The following THSD7B variants were observed in gnomAD, a reference collection of about 807,000 sequenced individuals.
THSD7B encodes thrombospondin type 1 domain containing 7B, also known as thrombospondin type-1 domain-containing protein 7B.
THSD7B carries 138 observed loss-of-function variants against 213.6 expected under a neutral mutation model. The ratio of observed to expected loss-of-function variants is 0.65; its 90% CI spans 0.56 to 0.74. The LOEUF (loss-of-function observed/expected upper bound fraction) is 0.74. THSD7B is among the 30% of genes least tolerant of loss of function. The pLI is 0.00. For missense variants in THSD7B, 1,931 were observed against 1,991.5 expected, an observed-to-expected ratio of 0.97 and a Z score of 0.58; for synonymous variants, 742 against 687.0, an observed-to-expected ratio of 1.08 and a Z score of -1.25.
intron 10 of THSD7B, among the ~76,000 whole-genome samples, chr2:137,249,981 G>T (rs1416626034): frequency 6.6e-6 from 1 of 152,206 alleles, no homozygotes; most frequent in African/African-American, 2.4e-5. Context: ...CTTCACAGAT[G>T]AGGCAACACA....
intron 17 of THSD7B, among the ~76,000 whole-genome samples, chr2:137,593,388 G>A (rs1433964440): frequency 6.6e-6 from 1 of 151,878 alleles, no homozygotes; most frequent in South Asian, 2.1e-4. Context: ...TTACAACAAC[G>A]TAGGAAACTT....
chr2:137,379,180 A>G (rs1685722583), intron 12 of THSD7B, among the ~76,000 whole-genome samples: 1 of 152,206 alleles, frequency 6.6e-6, no homozygotes, highest in African/African-American at 2.4e-5. Flanking sequence ...GACTAAGTAT[A>G]TATCACTAGC....
intron 10 of THSD7B, among the ~76,000 whole-genome samples, chr2:137,244,301 A>G (rs1299475167): frequency 6.6e-6 from 1 of 152,216 alleles, no homozygotes; most frequent in Non-Finnish European, 1.5e-5. Flanking sequence ...AGTTTAGTAC[A>G]ATTCCTGTTA....
intron 12 of THSD7B, among the ~76,000 whole-genome samples, chr2:137,398,767 C>T (rs1486072855): frequency 2.0e-5 from 3 of 152,226 alleles, no homozygotes; most frequent in Admixed American, 2.0e-4. Context: ...CCCAGCCTCG[C>T]TGCTGCCTTG....
chr2:137,300,952 C>G (rs570854370), intron 12 of THSD7B, among the ~76,000 whole-genome samples: 1 of 152,184 alleles, frequency 6.6e-6, no homozygotes, highest in African/African-American at 2.4e-5. Flanking sequence ...TTGGTGCTGG[C>G]ATGATGAGGG....
chr2:137,229,999 G>T (rs1681601640), intron 7 of THSD7B, among the ~76,000 whole-genome samples: 1 of 152,078 alleles, frequency 6.6e-6, no homozygotes, highest in Non-Finnish European at 1.5e-5. Context: ...TCCTATAGTT[G>T]CCATTTCATG....
chr2:137,356,967 G>GACACACACACAC (rs3048465), intron 12 of THSD7B, among the ~76,000 whole-genome samples: 17 of 140,976 alleles, frequency 1.2e-4, no homozygotes, highest in Admixed American at 7.9e-4. Flanking sequence ...CACACACACA[G>GACACACACACAC]ACACACACAC....
intron 12 of THSD7B, among the ~76,000 whole-genome samples, chr2:137,356,969 C>CAG (rs1391089117): frequency 5.4e-4 from 5 of 9,234 alleles, no homozygotes; most frequent in Admixed American, 1.6e-3. Context: ...CACACACAGA[C>CAG]ACACACACAC....
intron 2 of THSD7B, among the ~76,000 whole-genome samples, chr2:137,042,992 G>T (rs1686908898): frequency 6.6e-6 from 1 of 152,174 alleles, no homozygotes; most frequent in Non-Finnish European, 1.5e-5. Flanking sequence ...GCTTGGAAAG[G>T]GTAATGAGGA....
Position 137,226,476 on chromosome 2 carries a change from G to A in THSD7B, c.1724-4568G>A, listed in dbSNP as rs1458985257. 4.6e-5 allele frequency among the ~76,000 whole-genome samples: 7 copies of A among 151,538 alleles called. No homozygotes were observed. In the South Asian group the frequency reaches 1.3e-3, roughly 27 times the overall value. On this transcript the variant is annotated intron_variant, in intron 7 of 27. Transcript: ENST00000409968. ...TTGTTTATTTTTATAAAATATAACT[G>A]CTATTTATATTTTATTTTTAATTGG...
chr2:137,102,123 A>T (rs1188122625), intron 4 of THSD7B, among the ~76,000 whole-genome samples: 2 of 152,186 alleles, frequency 1.3e-5, no homozygotes, highest in Non-Finnish European at 1.5e-5. Context: ...GAGTTGACAG[A>T]CACTTCATAC....
chr2:136,858,145 G>A (rs554275664), intron 1 of THSD7B, among the ~76,000 whole-genome samples: 3 of 152,298 alleles, frequency 2.0e-5, no homozygotes, highest in Admixed American at 6.5e-5. Flanking sequence ...AAGGATGCAA[G>A]TGAACAGAGA....
chr2:136,947,001 A>G (rs1034117412), intron 2 of THSD7B, among the ~76,000 whole-genome samples: 4 of 152,120 alleles, frequency 2.6e-5, no homozygotes, highest in African/African-American at 9.7e-5. Context: ...CCACTGTCCA[A>G]CCAGTCCCAG....
intron 2 of THSD7B, among the ~76,000 whole-genome samples, chr2:136,966,767 C>T (rs1233800028): frequency 1.3e-5 from 2 of 152,068 alleles, no homozygotes; most frequent in Non-Finnish European, 2.9e-5. Context: ...CCCTCTTTGC[C>T]GTCTCCTGAA....
intron 7 of THSD7B, among the ~76,000 whole-genome samples, chr2:137,179,741 A>G (rs1275153504): frequency 6.6e-6 from 1 of 152,114 alleles, no homozygotes; most frequent in Non-Finnish European, 1.5e-5. Context: ...TGTGCTCTGA[A>G]ATTCCATAGC....
chr2:137,396,720 G>A (rs963642491), intron 12 of THSD7B, among the ~76,000 whole-genome samples: 1 of 144,602 alleles, frequency 6.9e-6, no homozygotes, highest in Non-Finnish European at 1.5e-5. Flanking sequence ...GGGTATCCTT[G>A]TTGACTTTCT....
chr2:137,573,423 A>G (rs997296440), intron 17 of THSD7B, among the ~76,000 whole-genome samples: 1 of 152,100 alleles, frequency 6.6e-6, no homozygotes, highest in African/African-American at 2.4e-5. Context: ...CAAATTATTG[A>G]TTCCTTATTA....
intron 12 of THSD7B, among the ~76,000 whole-genome samples, chr2:137,395,778 G>T (rs956169728): frequency 6.6e-6 from 1 of 151,638 alleles, no homozygotes; most frequent in African/African-American, 2.4e-5. Flanking sequence ...ATTCAGCTGT[G>T]AATCCATCTG....
At chr2:137,625,647 C>A (rs1449394412) in intron 20 of THSD7B, among the ~76,000 whole-genome samples, 1 of 152,186 alleles carries the variant, frequency 6.6e-6, no homozygotes, top group Admixed American at 6.5e-5. Flanking sequence ...GGCAACCCCA[C>A]CTCTATGGCT....
Sources: gnomAD v4.1 joint callset for allele counts (sites outside exome capture counted in the v4.1 genomes callset) on GRCh38, gnomAD v4.1.1 for gene constraint, MANE v1.5 for transcripts, NCBI Gene and HGNC (gene_info 2026-07-23, HGNC 2026-07-21) for gene names.